The following KMT2E variants were observed in gnomAD, a reference collection of about 807,000 sequenced individuals.
KMT2E encodes the protein histone reader KMT2E.
In KMT2E, 30 loss-of-function variants were observed where a neutral mutation model predicts 184.6. That is an observed-to-expected ratio of 0.16 (90% CI 0.12 to 0.22). KMT2E has a LOEUF of 0.22. Ranked by LOEUF, KMT2E falls within the 10% of genes least tolerant of loss-of-function variation. The pLI is 1.00. For missense variants in KMT2E, 2,023 were observed against 2,237.4 expected (o/e 0.90, Z 1.93); for synonymous variants, 815 against 776.5 (o/e 1.05, Z -0.82).
intron 1 of KMT2E, among the ~76,000 whole-genome samples, chr7:105,029,288 C>A (rs1795303167): frequency 6.6e-6 from 1 of 152,146 alleles, no homozygotes; most frequent in African/African-American, 2.4e-5. Flanking sequence ...TGCCATAGGT[C>A]ATTTCAGGTG....
chr7:105,036,784 G>A (rs1795678499), intron 1 of KMT2E, among the ~76,000 whole-genome samples: 1 of 152,070 alleles, frequency 6.6e-6, no homozygotes, highest in Admixed American at 6.6e-5. Context: ...TATTCATTTT[G>A]TTATCACATT....
chr7:105,040,887 G>GCCC lies in KMT2E; in HGVS notation c.-64_-62dup. ...TTGCAATGAGCACTGTGGCTGGCATGCCCCAGTGTTTTGGATACCAATGCA... is the reference window on the plus strand; with the variant it reads ...TTGCAATGAGCACTGTGGCTGGCATGCCCCCCCAGTGTTTTGGATACCAATGCA... On this transcript the variant is annotated 5_prime_UTR_variant, in exon 3 of 27. Coordinates refer to ENST00000311117, the MANE Select transcript of KMT2E (RefSeq NM_182931.3). The GCCC allele has an allele frequency of 8.6e-7, 1 of 1,161,928 alleles. No homozygotes were observed. The highest frequency in any genetic ancestry group is 1.3e-6 in the Non-Finnish European group (1 of 783,490). The allele number at this position is 1,161,928 out of a possible 1,614,324, so 72.0% of individuals were successfully genotyped here.
rs900220442 is a variant in KMT2E at position 105,074,230 on chromosome 7, C to T, written c.557-413C>T. Among the ~76,000 whole-genome samples the T allele has an allele frequency of 3.8e-4, 58 of 151,850 alleles. 2 individuals are homozygous for T. The highest frequency in any genetic ancestry group is 1.0e-4 in the Non-Finnish European group (7 of 68,018). ...TTGTTATTAAAAACAGTATCCTCAG[C>T]AAGACCCTCTTGCATAAGTCTTTTT... On this transcript the variant is annotated intron_variant, in intron 7 of 26. Coordinates refer to ENST00000311117, the MANE Select transcript of KMT2E (RefSeq NM_182931.3).
At chr7:105,044,788 A>G (rs554776863) in intron 3 of KMT2E, among the ~76,000 whole-genome samples, 11 of 152,270 alleles carry the variant, frequency 7.2e-5, no homozygotes, top group African/African-American at 2.4e-4. Context: ...AAGATCCACT[A>G]TCACCGATTC....
intron 1 of KMT2E, among the ~76,000 whole-genome samples, chr7:105,036,175 GT>G (rs766099270): frequency 3.9e-4 from 52 of 133,124 alleles, no homozygotes; most frequent in South Asian, 4.8e-4. Context: ...TGTTCTTTTG[GT>G]TTTTTTTTTT....
chr7:105,098,447 C>G (rs758928199), intron 15 of KMT2E, among the ~76,000 whole-genome samples: 3 of 151,940 alleles, frequency 2.0e-5, no homozygotes, highest in Non-Finnish European at 4.4e-5. Flanking sequence ...TGCTTTGTCA[C>G]CTGGCTGGAG....
chr7:105,037,195 A>G (rs185913631), intron 1 of KMT2E, among the ~76,000 whole-genome samples: 9 of 152,334 alleles, frequency 5.9e-5, no homozygotes, highest in Non-Finnish European at 8.8e-5. Flanking sequence ...GCACTGTGCC[A>G]GGTGCTTATA....
chr7:105,078,484 T>C (rs1797621322), intron 11 of KMT2E, among the ~76,000 whole-genome samples: 1 of 151,952 alleles, frequency 6.6e-6, no homozygotes, highest in Non-Finnish European at 1.5e-5. Flanking sequence ...GAGTAACAGA[T>C]TATTGTCCTA....
At position 105,114,211 on chromosome 7, in the gene KMT2E, C is replaced by CAG. The variant is rs1313103697; in HGVS notation, c.*879_*880dup. 1 of 152,202 alleles carries CAG rather than the reference C, an allele frequency of 6.6e-6. No individual in the cohort carries two copies. Among genetic ancestry groups the CAG allele is most frequent in the East Asian group, 1.9e-4 (1 of 5,200 alleles). The allele number at this position is 152,202 out of a possible 1,614,324, so 9.4% of individuals were successfully genotyped here. On this transcript the variant is annotated 3_prime_UTR_variant, in exon 27 of 27. Coordinates refer to ENST00000311117, the MANE Select transcript of KMT2E (RefSeq NM_182931.3). ...CGACTACTACCTCAGCAACAGGAGG[C>CAG]AGCAAGGGGCTGTTCCTGTGGTGGT...
chr7:105,052,598 G>A lies in KMT2E; in HGVS notation c.72-9566G>A, dbSNP rs189501207. Among the ~76,000 whole-genome samples, 103 of 151,586 alleles carry A rather than the reference G, an allele frequency of 6.8e-4. 1 individual carries two copies. The highest frequency in any genetic ancestry group is 3.4e-3 in the Middle Eastern group (1 of 294). ...TTCTGAGAAGGAGTCTCACTCTGTC[G>A]CCCAGGCTAGAGTGCAGTGGCGCAG... On this transcript the variant is annotated intron_variant, in intron 3 of 26. Coordinates refer to ENST00000311117, the MANE Select transcript of KMT2E (RefSeq NM_182931.3).
Position 105,113,323 on chromosome 7 carries a change from G to T in KMT2E, c.5567G>T (p.Gly1856Val), listed in dbSNP as rs1184737381. The T allele has an allele frequency of 3.1e-6, 5 of 1,605,010 alleles. No homozygotes were observed. The South Asian group carries it at 4.4e-5, about 14-fold the overall frequency. The change falls in exon 27 of 27, where the codon GGG (glycine) becomes GTG (valine). Residue 1856 changes from glycine to valine, a missense_variant. Gly to Val is a moderately radical substitution (Grantham distance 109). Transcript: ENST00000311117. ...TTTCAAAACAATTACCATGGGTCAG[G>T]GTGGCATTAAAATGGACTCCAAAAA... ...PTFQNNYHGS[G>V]WH
At chr7:105,095,480 A>G (rs992221040) in intron 15 of KMT2E, among the ~76,000 whole-genome samples, 5 of 152,184 alleles carry the variant, frequency 3.3e-5, no homozygotes, top group Non-Finnish European at 7.3e-5. Flanking sequence ...GCTATAGGTC[A>G]CACAAAATAC....
At position 105,023,421 on chromosome 7, in the gene KMT2E, A is replaced by AAAAAAAG. The variant is rs1230122307; in HGVS notation, c.-189+8887_-189+8888insAAAAAGA. On this transcript the variant is annotated intron_variant, in intron 1 of 26. Coordinates refer to ENST00000311117, the MANE Select transcript of KMT2E (RefSeq NM_182931.3). Reference sequence around the variant, plus strand: ...CTGTCTCAAAAAAAAAAAAAAAAAAAAGAGAGACAAAAATTCATTAAGCAA... The same window carrying AAAAAAAG: ...CTGTCTCAAAAAAAAAAAAAAAAAAAAAAAAAGAGAGAGACAAAAATTCATTAAGCAA... Among the ~76,000 whole-genome samples the AAAAAAAG allele has an allele frequency of 3.3e-5, 5 of 149,872 alleles. No homozygotes were observed. The East Asian group carries it at 6.0e-4, about 18-fold the overall frequency.
Position 105,102,049 on chromosome 7 carries a change from T to C in KMT2E, c.2051T>C (p.Ile684Thr), listed in dbSNP as rs138591534. ...GATATCCAGCCATCTTCTCCTGATA[T>C]AGAAGTTACTTCACAACAAAATGAT... ...CSDIQPSSPD[I>T]EVTSQQNDIE... Residue 684 changes from isoleucine (I) to threonine (T), a missense_variant, in exon 17 of 27, where the codon ATA becomes ACA. Ile to Thr is a moderately conservative substitution (Grantham distance 89). Around this residue, in one of 8 missense-constraint regions of KMT2E, gnomAD observed 514 missense variants for 621.8 expected, o/e 0.83. Coordinates refer to ENST00000311117, the MANE Select transcript of KMT2E (RefSeq NM_182931.3). The C allele has an allele frequency of 3.4e-5, 55 of 1,613,970 alleles. No homozygotes were observed. Among genetic ancestry groups the C allele is most frequent in the East Asian group, 2.9e-4 (13 of 44,874 alleles).
rs1466598364 is a variant in KMT2E at position 105,112,903 on chromosome 7, C to T, written c.5147C>T (p.Pro1716Leu). 1.9e-6 allele frequency: 3 copies of T among 1,613,388 alleles called. No homozygotes were observed. The highest frequency in any genetic ancestry group is 2.5e-6 in the Non-Finnish European group (3 of 1,179,878). ...CAGCATGTTGTAAATTCAGCACCCC[C>T]ACCACCCCCTCCGCCGCCACCTTCC... is the stretch of plus-strand genomic sequence containing the variant. ...QHQHVVNSAPPPPPPPPPSSV... is the reference protein window; with the variant it reads ...QHQHVVNSAPLPPPPPPPSSV... The change falls in exon 27 of 27, where the codon CCA (proline) becomes CTA (leucine). Residue 1716 changes from proline (P) to leucine (L), a missense_variant. Pro to Leu is a moderately conservative substitution (Grantham distance 98, BLOSUM62 -3). Transcript: ENST00000311117.
In KMT2E at chr7:105,072,573, G is replaced by A. The variant is rs75829102; in HGVS notation, c.498-1046G>A. Among the ~76,000 whole-genome samples, 556 of 152,272 alleles carry A rather than the reference G, an allele frequency of 3.7e-3. 15 individuals are homozygous for A. The East Asian group carries it at 0.062, about 17-fold the overall frequency. On this transcript the variant is annotated intron_variant, in intron 6 of 26. Coordinates refer to ENST00000311117, the MANE Select transcript of KMT2E (RefSeq NM_182931.3). ...GAAAAAGTTGGGGGGGAATGTAAAA[G>A]AATTACTATGGATGATGTAGTTCAT...
At position 105,102,137 on chromosome 7, in the gene KMT2E, T is replaced by C. The variant is rs1798681738; in HGVS notation, c.2139T>C (p.Thr713=). 1 of 1,612,716 alleles carries C rather than the reference T, an allele frequency of 6.2e-7. No individual in the cohort carries two copies. Among genetic ancestry groups the C allele is most frequent in the Non-Finnish European group, 8.5e-7 (1 of 1,179,246 alleles). The change falls in exon 17 of 27, where the codon ACT becomes ACC. Residue 713 remains threonine, a synonymous_variant. Transcript: ENST00000311117. ...ETETALAEII[T]ETEVPALNKC... ...AAACTGCACTAGCAGAAATAATTAC[T>C]GAAACTGAAGTTCCAGCACTTAATA...
chr7:105,081,225 CA>C (rs1040217519), intron 12 of KMT2E, among the ~76,000 whole-genome samples: 5 of 149,782 alleles, frequency 3.3e-5, no homozygotes, highest in Non-Finnish European at 3.0e-5. Context: ...ACTAAAAATA[CA>C]AAAAAAAATA....
At chr7:105,075,175 G>A (rs1002231287) in intron 8 of KMT2E, among the ~76,000 whole-genome samples, 11 of 150,538 alleles carry the variant, frequency 7.3e-5, no homozygotes, top group Non-Finnish European at 1.3e-4. Context: ...TTTACATAAC[G>A]GTTCTTTGCC....
Sources: gnomAD v4.1 joint callset for allele counts (sites outside exome capture counted in the v4.1 genomes callset) on GRCh38, gnomAD v4.1.1 for gene constraint, gnomAD v4.1.1 regional missense constraint, MANE v1.5 for transcripts, NCBI Gene and HGNC (gene_info 2026-07-23, HGNC 2026-07-21) for gene names.